Variants in OSBPL8 observed in about 807,000 individuals in gnomAD.
The protein encoded by OSBPL8 is oxysterol-binding protein-related protein 8.
Under a neutral mutation model 125.5 loss-of-function variants are expected in OSBPL8, and 59 were observed. The observed-to-expected ratio is 0.47, with a 90% CI of 0.38 to 0.58. The LOEUF is 0.58. OSBPL8 is among the 20% of genes least tolerant of loss of function. The pLI is 0.00. For missense variants in OSBPL8, 758 were observed against 1,047.8 expected, an observed-to-expected ratio of 0.72 and a Z score of 3.82; for synonymous variants, 330 against 338.9, an observed-to-expected ratio of 0.97 and a Z score of 0.29.
chr12:76,514,649 T>C (rs556878730), intron 1 of OSBPL8, among the ~76,000 whole-genome samples: 4 of 152,316 alleles, frequency 2.6e-5, no homozygotes, highest in Admixed American at 6.5e-5. Flanking sequence ...TCTTCTTGTA[T>C]AGAGTCTTTC....
At chr12:76,372,915 G>A (rs74103407) in intron 18 of OSBPL8, among the ~76,000 whole-genome samples, 6,588 of 152,056 alleles carry the variant, frequency 0.043, 514 homozygotes, top group African/African-American at 0.15. Context: ...AGGGTTCCTG[G>A]GCTTTAATTC....
intron 5 of OSBPL8, among the ~76,000 whole-genome samples, chr12:76,405,611 C>T (rs1396600950): frequency 6.6e-6 from 1 of 152,188 alleles, no homozygotes; most frequent in African/African-American, 2.4e-5. Context: ...ACTCACATAT[C>T]TCAAGGAATC....
chr12:76,357,404 G>A (rs1427658442), intron 22 of OSBPL8, among the ~76,000 whole-genome samples: 2 of 152,148 alleles, frequency 1.3e-5, no homozygotes, highest in Admixed American at 6.5e-5. Flanking sequence ...ATGACAGGGT[G>A]AATTAAGGAG....
intron 21 of OSBPL8, 96 bp downstream of exon 21, chr12:76,369,118 A>C: frequency 1.4e-6 from 2 of 1,454,582 alleles, no homozygotes; most frequent in Non-Finnish European, 1.8e-6. Context: ...CTCACCCAAA[A>C]TTTTAAATTT....
intron 1 of OSBPL8, chr12:76,537,899 A>C (rs1013394722): frequency 2.0e-5 from 3 of 152,192 alleles, no homozygotes; most frequent in Non-Finnish European, 2.9e-5. Context: ...ACAGAGCAAG[A>C]CTCCATGTCT....
Position 76,389,740 on chromosome 12 carries a change from G to T in OSBPL8, c.1257C>A (p.Asp419Glu). 1.2e-6 allele frequency: 2 copies of T among 1,608,106 alleles called. 1 individual carries two copies. Among genetic ancestry groups the T allele is most frequent in the South Asian group, 2.2e-5 (2 of 90,148 alleles). ...ATGTAGGCAGAACCACCTTGGATAG[G>T]TCCATGCCAGGACGGACTTGTTTCA... The part of the protein sequence containing the change: ...TLLKQVRPGM[D>E]LSKVVLPTFI... The change falls in exon 12 of 24, where the codon GAC (aspartate) becomes GAA (glutamate). Residue 419 changes from aspartate to glutamate, a missense_variant. Asp to Glu is a conservative substitution (Grantham distance 45). Transcript: ENST00000261183.
At chr12:76,542,513 C>T (rs1436417405) in intron 1 of OSBPL8, among the ~76,000 whole-genome samples, 1 of 152,190 alleles carries the variant, frequency 6.6e-6, no homozygotes, top group African/African-American at 2.4e-5. Flanking sequence ...ATTTCTGACA[C>T]CCACCCCCAA....
intron 21 of OSBPL8, among the ~76,000 whole-genome samples, chr12:76,364,339 T>C (rs1350269482): frequency 2.0e-5 from 3 of 152,226 alleles, no homozygotes; most frequent in African/African-American, 2.4e-5. Context: ...GATGACTTAA[T>C]GTCCTTTGCA....
At chr12:76,443,345 C>A (rs1872405926) in intron 4 of OSBPL8, among the ~76,000 whole-genome samples, 1 of 152,096 alleles carries the variant, frequency 6.6e-6, no homozygotes, top group East Asian at 1.9e-4. Flanking sequence ...TTTCATGAAG[C>A]TTTGATAATA....
At chr12:76,369,537 T>C in intron 20 of OSBPL8, 100 bp downstream of exon 20, 1 of 1,382,608 alleles carries the variant, frequency 7.2e-7, no homozygotes, top group Non-Finnish European at 9.8e-7. Context: ...TATACATGGT[T>C]TAATTAAATA....
chr12:76,532,750 C>A (rs1384272325), intron 1 of OSBPL8, among the ~76,000 whole-genome samples: 2 of 151,828 alleles, frequency 1.3e-5, no homozygotes, highest in Non-Finnish European at 2.9e-5. Flanking sequence ...TCAGTCCATG[C>A]CTGTCTCTCT....
chr12:76,463,945 T>C (rs1318604508), intron 2 of OSBPL8, among the ~76,000 whole-genome samples: 3 of 152,214 alleles, frequency 2.0e-5, no homozygotes, highest in Non-Finnish European at 4.4e-5. Flanking sequence ...TATAGTACCA[T>C]GTTGTATAAC....
At chr12:76,422,083 T>C (rs182244575) in intron 4 of OSBPL8, among the ~76,000 whole-genome samples, 125 of 152,224 alleles carry the variant, frequency 8.2e-4, no homozygotes, top group African/African-American at 2.8e-3. Flanking sequence ...AAAGCTTACA[T>C]TAAACATCAA....
intron 2 of OSBPL8, among the ~76,000 whole-genome samples, chr12:76,463,603 C>T (rs531876604): frequency 3.4e-4 from 51 of 152,152 alleles, no homozygotes; most frequent in African/African-American, 1.1e-3. Flanking sequence ...AAAGAACAGG[C>T]CCTAGAAAAA....
intron 16 of OSBPL8, among the ~76,000 whole-genome samples, chr12:76,377,526 T>C (rs1952874689): frequency 1.3e-5 from 2 of 152,214 alleles, no homozygotes; most frequent in Admixed American, 6.5e-5. Context: ...TAATGATCAG[T>C]GATAATGAGC....
At chr12:76,553,976 C>A (rs1242174815) in intron 1 of OSBPL8, among the ~76,000 whole-genome samples, 453 of 95,606 alleles carry the variant, frequency 4.7e-3, no homozygotes, top group Non-Finnish European at 5.3e-3. Context: ...GACTCTATCT[C>A]AAAAAAAAAA....
At chr12:76,397,652 TATC>T (rs1953869681) in intron 8 of OSBPL8, 39 bp downstream of exon 8, 2 of 1,561,520 alleles carry the variant, frequency 1.3e-6, no homozygotes, top group Non-Finnish European at 1.8e-6. Flanking sequence ...ATTCATGGAT[TATC>T]ATCTTTACCT....
intron 2 of OSBPL8, among the ~76,000 whole-genome samples, chr12:76,468,993 T>C (rs773847037): frequency 4.6e-5 from 7 of 152,164 alleles, no homozygotes; most frequent in African/African-American, 7.2e-5. Context: ...ACAACTCAGG[T>C]CTAGCACAAT....
intron 2 of OSBPL8, among the ~76,000 whole-genome samples, chr12:76,461,280 T>G (rs1433479297): frequency 6.6e-6 from 1 of 152,146 alleles, no homozygotes; most frequent in African/African-American, 2.4e-5. Flanking sequence ...CCATCTTGCA[T>G]GCAGTTTCTC....
Sources: allele counts gnomAD v4.1 joint callset (sites outside exome capture counted in the v4.1 genomes callset), GRCh38; gene constraint gnomAD v4.1.1; transcripts MANE v1.5; gene names NCBI Gene and HGNC (gene_info 2026-07-23, HGNC 2026-07-21).